Variants in MARCHF1 observed in about 807,000 individuals in gnomAD.
The protein encoded by MARCHF1 is membrane associated ring-CH-type finger 1.
MARCHF1 carries 40 observed loss-of-function variants against 54.2 expected under a neutral mutation model. That is an observed-to-expected ratio of 0.74 (90% CI 0.57 to 0.96). MARCHF1 has a LOEUF of 0.96. Among genes scored for constraint, MARCHF1 ranks in the 40% least tolerant of loss-of-function variants. The pLI is 0.00. For missense variants in MARCHF1, 586 were observed against 656.5 expected (o/e 0.89, Z 1.17); for synonymous variants, 236 against 236.3 (o/e 1.00, Z 0.01).
At chr4:163,729,868 G>C (rs1485065228) in intron 4 of MARCHF1, among the ~76,000 whole-genome samples, 2 of 151,970 alleles carry the variant, frequency 1.3e-5, no homozygotes, top group African/African-American at 4.8e-5. Flanking sequence ...CCTTGTCTTT[G>C]GGAAGTTTGA....
chr4:163,716,563 C>A (rs766847373), intron 4 of MARCHF1, among the ~76,000 whole-genome samples: 7 of 152,150 alleles, frequency 4.6e-5, no homozygotes, highest in Non-Finnish European at 8.8e-5. Context: ...TTAATACACG[C>A]CTTTTGCCGA....
intron 1 of MARCHF1, among the ~76,000 whole-genome samples, chr4:164,202,106 A>G (rs1220808269): frequency 6.6e-6 from 1 of 152,202 alleles, no homozygotes; most frequent in African/African-American, 2.4e-5. Context: ...ACATTATGCT[A>G]TGTGTTTATG....
intron 1 of MARCHF1, among the ~76,000 whole-genome samples, chr4:164,371,484 T>G (rs1210834934): frequency 6.6e-6 from 1 of 152,098 alleles, no homozygotes; most frequent in Non-Finnish European, 1.5e-5. Flanking sequence ...AGCAAATATT[T>G]CAATGCATGT....
At chr4:164,241,468 A>G (rs900669955) in intron 1 of MARCHF1, among the ~76,000 whole-genome samples, 12 of 152,286 alleles carry the variant, frequency 7.9e-5, no homozygotes, top group African/African-American at 2.9e-4. Context: ...TTTTGACAAT[A>G]GTTTGCCTTC....
chr4:163,724,392 G>A lies in MARCHF1; in HGVS notation c.112-23529C>T, dbSNP rs573681323. On this transcript the variant is annotated intron_variant, in intron 4 of 9. Transcript: ENST00000514618. ...GAAGCTTCGTCTCAGAGGGGGACCC[G>A]GCTGTGTGAGGTGTCAGTCTGCCCC... Among the ~76,000 whole-genome samples, 25 of 152,292 alleles carry A rather than the reference G, an allele frequency of 1.6e-4. No homozygotes were observed. The Middle Eastern group carries it at 0.014, about 83-fold the overall frequency.
chr4:164,357,036 A>G (rs1442912881), intron 1 of MARCHF1, among the ~76,000 whole-genome samples: 1 of 151,934 alleles, frequency 6.6e-6, no homozygotes, highest in Admixed American at 6.6e-5. Flanking sequence ...CTGGGTGACA[A>G]GATAATCTGT....
At chr4:163,957,223 A>AT (rs1169217236) in intron 3 of MARCHF1, among the ~76,000 whole-genome samples, 1 of 152,052 alleles carries the variant, frequency 6.6e-6, no homozygotes, top group African/African-American at 2.4e-5. Flanking sequence ...CATGCATTAA[A>AT]TTTTACCATC....
intron 4 of MARCHF1, among the ~76,000 whole-genome samples, chr4:163,716,222 C>T (rs1160377501): frequency 2.3e-5 from 3 of 132,206 alleles, no homozygotes; most frequent in African/African-American, 7.5e-5. Context: ...ATGTAAACAA[C>T]AACAACAACA....
chr4:164,232,664 C>T (rs1341645666), intron 1 of MARCHF1, among the ~76,000 whole-genome samples: 2 of 152,100 alleles, frequency 1.3e-5, no homozygotes, highest in Non-Finnish European at 2.9e-5. Flanking sequence ...TAATGTCATA[C>T]ATTAAAACTC....
intron 1 of MARCHF1, among the ~76,000 whole-genome samples, chr4:164,206,597 T>C (rs1295483943): frequency 1.3e-5 from 2 of 152,162 alleles, no homozygotes; most frequent in African/African-American, 2.4e-5. Context: ...GGAAGTGCTT[T>C]GTTACATCAG....
chr4:163,898,326 A>G (rs1054551551), intron 3 of MARCHF1, among the ~76,000 whole-genome samples: 1 of 152,172 alleles, frequency 6.6e-6, no homozygotes. Flanking sequence ...TCTGCAAGGA[A>G]CTCAAACAAC....
At chr4:163,648,893 G>A (rs1742861533) in intron 5 of MARCHF1, among the ~76,000 whole-genome samples, 1 of 149,284 alleles carries the variant, frequency 6.7e-6, no homozygotes, top group African/African-American at 2.5e-5. Flanking sequence ...ATGCCTCCAA[G>A]GTATTGCTAC....
In MARCHF1 at chr4:163,800,914, T is replaced by C. The variant is rs191050375; in HGVS notation, c.111+53107A>G. On this transcript the variant is annotated intron_variant, in intron 4 of 9. Transcript: ENST00000514618. Reference sequence around the variant, plus strand: ...ACTCTTACATCAGCGAATAAATAGATAATAACTGAGAAGTTCAAGGTGTCT... The same window carrying C: ...ACTCTTACATCAGCGAATAAATAGACAATAACTGAGAAGTTCAAGGTGTCT... Among the ~76,000 whole-genome samples, 292 of 152,174 alleles carry C rather than the reference T, an allele frequency of 1.9e-3. 1 individual carries two copies. The highest frequency in any genetic ancestry group is 6.8e-3 in the African/African-American group (282 of 41,558).
chr4:163,979,893 G>T (rs1367435021), intron 3 of MARCHF1, among the ~76,000 whole-genome samples: 22 of 151,914 alleles, frequency 1.4e-4, no homozygotes, highest in South Asian at 2.1e-4. Context: ...TGTAAATTTG[G>T]TTGAGTTCAT....
intron 1 of MARCHF1, among the ~76,000 whole-genome samples, chr4:164,240,660 T>C (rs113984228): frequency 5.9e-5 from 9 of 152,236 alleles, no homozygotes; most frequent in South Asian, 2.1e-4. Context: ...AATTCAGACA[T>C]AACTGACTCC....
intron 2 of MARCHF1, among the ~76,000 whole-genome samples, chr4:164,058,800 G>A (rs1225283415): frequency 1.3e-5 from 2 of 152,138 alleles, no homozygotes; most frequent in African/African-American, 4.8e-5. Flanking sequence ...ATATTTTGGG[G>A]GGAATGGTTG....
At chr4:164,019,486 GA>G (rs2110963496) in intron 2 of MARCHF1, among the ~76,000 whole-genome samples, 1 of 152,236 alleles carries the variant, frequency 6.6e-6, no homozygotes, top group Non-Finnish European at 1.5e-5. Flanking sequence ...TGAGCAGATG[GA>G]AAACCCCATT....
At chr4:164,350,666 T>C (rs1730263417) in intron 1 of MARCHF1, among the ~76,000 whole-genome samples, 1 of 152,222 alleles carries the variant, frequency 6.6e-6, no homozygotes, top group Non-Finnish European at 1.5e-5. Flanking sequence ...AAAAACAATG[T>C]GTGCCAATCT....
At chr4:163,579,972 G>A (rs1740166779) in intron 8 of MARCHF1, among the ~76,000 whole-genome samples, 1 of 152,074 alleles carries the variant, frequency 6.6e-6, no homozygotes. Context: ...ACCATAGAAT[G>A]ATTTCAGAAT....
Sources: allele counts gnomAD v4.1 joint callset (sites outside exome capture counted in the v4.1 genomes callset), GRCh38; gene constraint gnomAD v4.1.1; transcripts MANE v1.5; gene names NCBI Gene and HGNC (gene_info 2026-07-23, HGNC 2026-07-21).